The following METTL25 variants were observed in gnomAD, a reference collection of about 807,000 sequenced individuals.
METTL25 encodes the protein methyltransferase like 25.
In METTL25, 64 loss-of-function variants were observed where a neutral mutation model predicts 71.6. That is an observed-to-expected ratio of 0.89 (90% CI 0.73 to 1.10). The LOEUF (loss-of-function observed/expected upper bound fraction) is 1.10, where lower values mean the gene tolerates loss of function less well. Ranked by LOEUF, METTL25 falls within the 50% of genes least tolerant of loss-of-function variation. The pLI is 0.00. For synonymous variants in METTL25, 287 were observed against 250.3 expected, an observed-to-expected ratio of 1.15 and a Z score of -1.38; for missense variants, 807 against 707.0, an observed-to-expected ratio of 1.14 and a Z score of -1.60.
At chr12:82,406,124 C>T (rs1479392335) in intron 5 of METTL25, among the ~76,000 whole-genome samples, 1 of 152,136 alleles carries the variant, frequency 6.6e-6, no homozygotes, top group African/African-American at 2.4e-5. Context: ...TTCAGTTCAA[C>T]ATCATCAGTG....
chr12:82,397,576 A>G (rs1886189346), intron 3 of METTL25, among the ~76,000 whole-genome samples: 1 of 151,846 alleles, frequency 6.6e-6, no homozygotes, highest in Admixed American at 6.6e-5. Flanking sequence ...TTTTTCTATT[A>G]TGTTTACATC....
At chr12:82,370,251 A>G (rs1484683205) in intron 1 of METTL25, among the ~76,000 whole-genome samples, 1 of 152,182 alleles carries the variant, frequency 6.6e-6, no homozygotes, top group Non-Finnish European at 1.5e-5. Context: ...TTGGGGTTCC[A>G]TTTGTAAGAC....
chr12:82,369,342 G>A (rs998323476), intron 1 of METTL25: 6 of 357,372 alleles, frequency 1.7e-5, no homozygotes, highest in African/African-American at 1.3e-4. Context: ...CACATAGTAG[G>A]TACAAATTCA....
intron 4 of METTL25, among the ~76,000 whole-genome samples, chr12:82,402,189 A>C (rs1886685883): frequency 6.6e-6 from 1 of 152,014 alleles, no homozygotes; most frequent in South Asian, 2.1e-4. Flanking sequence ...ATTTGGAAAA[A>C]ATTTTTTAAT....
intron 5 of METTL25, among the ~76,000 whole-genome samples, chr12:82,403,759 T>C (rs1207136937): frequency 6.6e-6 from 1 of 152,216 alleles, no homozygotes; most frequent in Non-Finnish European, 1.5e-5. Context: ...AGCTGTTTGC[T>C]CCATTTTACA....
At chr12:82,382,749 T>C (rs1884563693) in intron 1 of METTL25, among the ~76,000 whole-genome samples, 1 of 152,172 alleles carries the variant, frequency 6.6e-6, no homozygotes, top group African/African-American at 2.4e-5. Flanking sequence ...AGGGTCTTGC[T>C]CTGTTGCCCA....
intron 8 of METTL25, among the ~76,000 whole-genome samples, chr12:82,442,243 A>G (rs894723215): frequency 2.0e-5 from 3 of 152,092 alleles, no homozygotes; most frequent in African/African-American, 7.2e-5. Flanking sequence ...TTAATAATCA[A>G]TAGAAGCTGA....
At chr12:82,389,764 T>G in intron 2 of METTL25, 52 bp from the exon 3 acceptor site, 1 of 1,036,404 alleles carries the variant, frequency 9.6e-7, no homozygotes, top group Non-Finnish European at 1.5e-6. Context: ...AACTGATAAT[T>G]CCTACTAAAT....
chr12:82,460,877 C>T (rs1891822026), intron 9 of METTL25, among the ~76,000 whole-genome samples: 1 of 152,236 alleles, frequency 6.6e-6, no homozygotes, highest in African/African-American at 2.4e-5. Flanking sequence ...GGCGCGGTAG[C>T]TCACGCCTGT....
chr12:82,388,066 G>T lies in METTL25; in HGVS notation c.424+1099G>T, dbSNP rs562980276. 6.5e-4 allele frequency among the ~76,000 whole-genome samples: 99 copies of T among 152,016 alleles called. 1 individual carries two copies. The highest frequency in any genetic ancestry group is 2.2e-3 in the African/African-American group (93 of 41,508). On this transcript the variant is annotated intron_variant, in intron 2 of 11. Transcript: ENST00000248306. The stretch of plus-strand genomic sequence containing the variant: ...CCTTGCTTTTGTTTTTCCTGACAGT[G>T]ATACTTTTGATATCTATAGGCAGGT...
intron 5 of METTL25, among the ~76,000 whole-genome samples, chr12:82,422,688 T>G (rs979208628): frequency 1.3e-5 from 2 of 152,190 alleles, no homozygotes; most frequent in African/African-American, 4.8e-5. Flanking sequence ...GATAAGCAAC[T>G]TCAGCAAAGT....
chr12:82,394,406 A>G (rs1007203484), intron 3 of METTL25, among the ~76,000 whole-genome samples: 2 of 152,054 alleles, frequency 1.3e-5, no homozygotes, highest in African/African-American at 4.8e-5. Context: ...ATAGAGAACT[A>G]AACAAGAATA....
intron 8 of METTL25, among the ~76,000 whole-genome samples, chr12:82,443,462 C>CAAAAAAAA (rs67737833): frequency 6.2e-4 from 60 of 96,442 alleles, no homozygotes; most frequent in East Asian, 8.8e-4. Flanking sequence ...CAGAGGAGAC[C>CAAAAAAAA]AAAAAAAAAA....
intron 5 of METTL25, among the ~76,000 whole-genome samples, chr12:82,410,219 CTAACA>C (rs1251600274): frequency 2.6e-5 from 4 of 152,114 alleles, no homozygotes; most frequent in African/African-American, 7.2e-5. Flanking sequence ...ACTAAAACTG[CTAACA>C]TAACATTAAC....
intron 7 of METTL25, among the ~76,000 whole-genome samples, chr12:82,436,778 G>T (rs1889946859): frequency 6.6e-6 from 1 of 151,148 alleles, no homozygotes; most frequent in Admixed American, 6.6e-5. Context: ...TTGTTCAAAG[G>T]CATGAGAAAG....
intron 1 of METTL25, among the ~76,000 whole-genome samples, chr12:82,365,148 C>G (rs1714508231): frequency 6.6e-6 from 1 of 152,184 alleles, no homozygotes; most frequent in Non-Finnish European, 1.5e-5. Flanking sequence ...CTTGCACATA[C>G]CTAGTACTCA....
At chr12:82,374,021 C>T (rs1883549854) in intron 1 of METTL25, 1 of 156,976 alleles carries the variant, frequency 6.4e-6, no homozygotes, top group Non-Finnish European at 1.4e-5. Flanking sequence ...TTGTTTGTTC[C>T]TCCCGGTGGG....
At chr12:82,433,222 G>C (rs1889655342) in intron 6 of METTL25, among the ~76,000 whole-genome samples, 1 of 151,406 alleles carries the variant, frequency 6.6e-6, no homozygotes, top group Non-Finnish European at 1.5e-5. Context: ...TATTTTTATG[G>C]ACACCAAATC....
At chr12:82,455,598 T>TG (rs1238733919) in intron 8 of METTL25, among the ~76,000 whole-genome samples, 1 of 151,758 alleles carries the variant, frequency 6.6e-6, no homozygotes, top group Non-Finnish European at 1.5e-5. Context: ...TAGAAGAGAG[T>TG]GGGGAACTGT....
Sources: gnomAD v4.1 joint callset for allele counts (sites outside exome capture counted in the v4.1 genomes callset) on GRCh38, gnomAD v4.1.1 for gene constraint, MANE v1.5 for transcripts, NCBI Gene and HGNC (gene_info 2026-07-23, HGNC 2026-07-21) for gene names.